Variants in E2F7 observed in about 807,000 individuals in gnomAD.
E2F7 encodes E2F transcription factor 7.
In E2F7, 35 loss-of-function variants were observed where a neutral mutation model predicts 81.1. That is an observed-to-expected ratio of 0.43 (90% CI 0.33 to 0.57). The LOEUF (loss-of-function observed/expected upper bound fraction) is 0.57. E2F7 is among the 20% of genes least tolerant of loss of function. The pLI is 0.04. For synonymous variants in E2F7, 416 were observed against 416.2 expected (o/e 1.00, Z 0.01); for missense variants, 961 against 1,093.7 (o/e 0.88, Z 1.71).
intron 5 of E2F7, among the ~76,000 whole-genome samples, chr12:77,045,213 C>A (rs776614409): frequency 6.6e-6 from 1 of 152,228 alleles, no homozygotes; most frequent in South Asian, 2.1e-4. Flanking sequence ...TCTCTGTGTC[C>A]GCAATATCTA....
At chr12:77,027,166 T>G (rs1954766568) in intron 11 of E2F7, among the ~76,000 whole-genome samples, 1 of 152,238 alleles carries the variant, frequency 6.6e-6, no homozygotes, top group Non-Finnish European at 1.5e-5. Flanking sequence ...AGGTTAGGCT[T>G]AAGCCAACAA....
intron 3 of E2F7, among the ~76,000 whole-genome samples, chr12:77,052,442 G>A (rs924590906): frequency 2.6e-5 from 4 of 152,254 alleles, no homozygotes; most frequent in African/African-American, 9.6e-5. Context: ...TGCACTGCCA[G>A]CTAGGGGGAA....
Position 77,025,542 on chromosome 12 carries a change from A to G in E2F7, c.2565+16T>C, listed in dbSNP as rs1250435851. 6.2e-7 allele frequency: 1 copy of G among 1,611,666 alleles called. No homozygotes were observed. The highest frequency in any genetic ancestry group is 8.5e-7 in the Non-Finnish European group (1 of 1,178,200). ...TTCCCAGAGTGACAGTGTCTTCAGG[A>G]AACTTCAGGCCTCACCTGATGTAAT... On this transcript the variant is annotated intron_variant, in intron 12 of 12. Coordinates refer to ENST00000322886, the MANE Select transcript of E2F7 (RefSeq NM_203394.3).
intron 2 of E2F7, among the ~76,000 whole-genome samples, chr12:77,056,836 A>T (rs559020121): frequency 6.6e-6 from 1 of 151,884 alleles, no homozygotes; most frequent in East Asian, 1.9e-4. Context: ...CACTAATCAT[A>T]AGCTTAGATA....
chr12:77,035,993 A>AGAGACTGTAC (rs59970691), intron 7 of E2F7, among the ~76,000 whole-genome samples: 2 of 151,100 alleles, frequency 1.3e-5, no homozygotes, highest in African/African-American at 4.9e-5. Flanking sequence ...ATAAATGAAT[A>AGAGACTGTAC]AATAAATGAA....
chr12:77,026,910 G>C (rs115012350), intron 11 of E2F7, among the ~76,000 whole-genome samples: 2 of 152,030 alleles, frequency 1.3e-5, no homozygotes, highest in Non-Finnish European at 1.5e-5. Context: ...CTATGCATCC[G>C]TAACATTCTG....
intron 7 of E2F7, among the ~76,000 whole-genome samples, chr12:77,034,770 T>C (rs991648462): frequency 3.3e-5 from 5 of 152,232 alleles, no homozygotes; most frequent in Admixed American, 6.5e-5. Flanking sequence ...GCTCAAAGCA[T>C]GCACATTTTA....
rs1954738878 is a variant in E2F7 at position 77,024,176 on chromosome 12, G to A, written c.2575C>T (p.Pro859Ser). Residue 859 changes from proline to serine, a missense_variant, in exon 13 of 13, where the codon CCA (proline) becomes TCA (serine). By Grantham distance (74) the Pro-to-Ser change is moderately conservative. Coordinates refer to ENST00000322886, the MANE Select transcript of E2F7 (RefSeq NM_203394.3). Reference protein sequence around the residue: ...SVVKLHQSPVPVTPKSIQRTH... With the variant: ...SVVKLHQSPVSVTPKSIQRTH... The stretch of plus-strand genomic sequence containing the variant: ...CGTTGGATGCTCTTGGGGGTCACTG[G>A]AACTGGTGACTGAAAAAAGAAAAAA... 3 of 1,611,292 alleles carry A rather than the reference G, an allele frequency of 1.9e-6. No individual in the cohort carries two copies. Among genetic ancestry groups the A allele is most frequent in the African/African-American group, 1.3e-5 (1 of 74,688 alleles).
At chr12:77,051,704 C>A (rs1190337789) in intron 3 of E2F7, among the ~76,000 whole-genome samples, 1 of 152,106 alleles carries the variant, frequency 6.6e-6, no homozygotes, top group African/African-American at 2.4e-5. Context: ...CATGAAAACA[C>A]AACAGCAAAC....
At chr12:77,048,839 GGAT>G (rs1954963565) in intron 4 of E2F7, among the ~76,000 whole-genome samples, 1 of 152,130 alleles carries the variant, frequency 6.6e-6, no homozygotes, top group Non-Finnish European at 1.5e-5. Context: ...GTCCTCCCTG[GGAT>G]GTAACACGGC....
chr12:77,046,543 A>T (rs1210113052), intron 4 of E2F7, among the ~76,000 whole-genome samples: 1 of 152,248 alleles, frequency 6.6e-6, no homozygotes, highest in Non-Finnish European at 1.5e-5. Context: ...AAAAAATCTA[A>T]GATAAAACAT....
chr12:77,044,338 A>G, intron 6 of E2F7: 1 of 510,176 alleles, frequency 2.0e-6, no homozygotes, highest in South Asian at 1.6e-5. Flanking sequence ...TCTTGGATGC[A>G]GCAATACTAA....
At chr12:77,036,744 A>AT (rs35187102) in intron 7 of E2F7, among the ~76,000 whole-genome samples, 12,150 of 136,040 alleles carry the variant, frequency 0.089, 702 homozygotes, top group Middle Eastern at 0.18. Context: ...AGAATTCTCC[A>AT]TTTTTTTTTT....
chr12:77,045,924 A>T, intron 5 of E2F7, 114 bp downstream of exon 5: 1 of 1,318,778 alleles, frequency 7.6e-7, no homozygotes, highest in Non-Finnish European at 1.0e-6. Flanking sequence ...GAATAAGAGA[A>T]CATCTCCCTC....
rs1261335813 is a variant in E2F7, at chr12:77,025,894, G to C, written c.2229C>G (p.Val743=). ...PSSGQLPSFS[V]PCMVLPSPPL... ...GTGGAGATGGTAAGACCATGCAAGGGACACTGAAAGACGGCAGCTGACCTG... is the reference window on the plus strand; with the variant it reads ...GTGGAGATGGTAAGACCATGCAAGGCACACTGAAAGACGGCAGCTGACCTG... Residue 743 remains valine, a synonymous_variant, in exon 12 of 13, where the codon GTC becomes GTG. Coordinates refer to ENST00000322886, the MANE Select transcript of E2F7 (RefSeq NM_203394.3). 8 of 1,614,010 alleles carry C rather than the reference G, an allele frequency of 5.0e-6. No individual in the cohort carries two copies. In the East Asian group the frequency reaches 1.8e-4, roughly 36 times the overall value.
intron 3 of E2F7, among the ~76,000 whole-genome samples, chr12:77,051,102 G>A (rs1226594538): frequency 5.3e-5 from 8 of 152,142 alleles, no homozygotes; most frequent in African/African-American, 1.7e-4. Context: ...AGCTGTATCA[G>A]AATCTGCCTT....
intron 2 of E2F7, among the ~76,000 whole-genome samples, chr12:77,062,464 C>T (rs1955086294): frequency 1.3e-5 from 2 of 152,184 alleles, no homozygotes; most frequent in Middle Eastern, 3.2e-3. Flanking sequence ...CAGACAGAAG[C>T]CCCTCCTAGT....
intron 10 of E2F7, among the ~76,000 whole-genome samples, chr12:77,029,317 T>G (rs1207658385): frequency 6.6e-6 from 1 of 152,240 alleles, no homozygotes; most frequent in African/African-American, 2.4e-5. Context: ...TCTGAATGGC[T>G]ACTAAGCAGG....
chr12:77,030,306 A>G lies in E2F7; in HGVS notation c.1409T>C (p.Val470Ala). Reference sequence around the variant, plus strand: ...GTCCAAGCTGCTTGATGGAGGCACCACTCTCTTACTGGCAAAGGCTTTTCC... The same window carrying G: ...GTCCAAGCTGCTTGATGGAGGCACCGCTCTCTTACTGGCAAAGGCTTTTCC... Reference protein sequence around the residue: ...SQGKAFASKRVVPPSSSLDPV... With the variant: ...SQGKAFASKRAVPPSSSLDPV... Residue 470 changes from valine (V) to alanine (A), a missense_variant, in exon 10 of 13, where the codon GTG becomes GCG. By Grantham distance (64) the Val-to-Ala change is moderately conservative (BLOSUM62 0). Coordinates refer to ENST00000322886, the MANE Select transcript of E2F7 (RefSeq NM_203394.3). The G allele has an allele frequency of 6.4e-7, 1 of 1,559,272 alleles. No homozygotes were observed. Among genetic ancestry groups the G allele is most frequent in the South Asian group, 1.2e-5 (1 of 82,918 alleles).
Sources: allele counts gnomAD v4.1 joint callset (sites outside exome capture counted in the v4.1 genomes callset), GRCh38; gene constraint gnomAD v4.1.1; transcripts MANE v1.5; gene names NCBI Gene and HGNC (gene_info 2026-07-23, HGNC 2026-07-21).